The following TAF4B variants were observed in gnomAD, a reference collection of about 807,000 sequenced individuals.
The protein encoded by TAF4B is TATA-box binding protein associated factor 4b, also known as transcription initiation factor TFIID subunit 4B.
Under a neutral mutation model 86.4 loss-of-function variants are expected in TAF4B, and 38 were observed. That is an observed-to-expected ratio of 0.44 (90% CI 0.34 to 0.58). The LOEUF (loss-of-function observed/expected upper bound fraction) is 0.58. Ranked by LOEUF, TAF4B falls within the 20% of genes least tolerant of loss-of-function variation. The pLI, the probability that TAF4B is intolerant of heterozygous loss-of-function variation, is 0.02. For synonymous variants in TAF4B, 388 were observed against 391.2 expected, an observed-to-expected ratio of 0.99 and a Z score of 0.10; for missense variants, 988 against 1,027.6, an observed-to-expected ratio of 0.96 and a Z score of 0.53.
At chr18:26,238,000 G>T (rs1347502376) in intron 1 of TAF4B, among the ~76,000 whole-genome samples, 1 of 152,162 alleles carries the variant, frequency 6.6e-6, no homozygotes, top group Non-Finnish European at 1.5e-5. Context: ...CTGCTGTTCA[G>T]AATAGTTGTG....
At chr18:26,305,886 T>C (rs2056789895) in intron 9 of TAF4B, among the ~76,000 whole-genome samples, 1 of 152,174 alleles carries the variant, frequency 6.6e-6, no homozygotes, top group Admixed American at 6.5e-5. Context: ...TAGGTTAATT[T>C]GGGTGGTGGG....
intron 1 of TAF4B, among the ~76,000 whole-genome samples, chr18:26,245,605 C>G (rs1036547907): frequency 6.6e-6 from 1 of 152,106 alleles, no homozygotes; most frequent in Non-Finnish European, 1.5e-5. Flanking sequence ...CTGATTGGTG[C>G]ATTTTACAAA....
rs770983658 is a variant in TAF4B, at chr18:26,346,833, ATATGTGTG to A, written c.2317-10855_2317-10848del. 3.9e-3 allele frequency among the ~76,000 whole-genome samples: 70 copies of A among 17,736 alleles called. 2 individuals carry two copies. The East Asian group carries it at 0.1, about 26-fold the overall frequency. 11.6% of individuals were successfully genotyped at this position (17,736 alleles called of 152,430 possible). A position where few individuals can be genotyped will look rare whatever the true frequency, so the allele number is the denominator to read the frequency against. ...TATATATATGTGTGTGTATATATAT[ATATGTGTG>A]TGTGTATATATATATATGTGTATAT... is the stretch of plus-strand genomic sequence containing the variant. On this transcript the variant is annotated intron_variant, in intron 13 of 14. Transcript: ENST00000269142.
At chr18:26,345,522 C>A (rs2057169842) in intron 13 of TAF4B, among the ~76,000 whole-genome samples, 1 of 152,200 alleles carries the variant, frequency 6.6e-6, no homozygotes, top group Admixed American at 6.5e-5. Context: ...AGCCCACACC[C>A]AGCAAAACTG....
chr18:26,346,861 GTATATA>G lies in TAF4B; in HGVS notation c.2317-10821_2317-10816del, dbSNP rs1173384806. Among the ~76,000 whole-genome samples, 24 of 17,764 alleles carry G rather than the reference GTATATA, an allele frequency of 1.4e-3. 2 individuals are homozygous for G. The highest frequency in any genetic ancestry group is 2.5e-3 in the African/African-American group (22 of 8,852). 11.7% of individuals were successfully genotyped at this position (17,764 alleles called of 152,430 possible). A position where few individuals can be genotyped will look rare whatever the true frequency, so the allele number is the denominator to read the frequency against. On this transcript the variant is annotated intron_variant, in intron 13 of 14. Transcript: ENST00000269142. ...TGTGTGTGTGTATATATATATATGT[GTATATA>G]TATATATGTGTATATATATATATAT...
chr18:26,250,223 C>T (rs1259211782), intron 1 of TAF4B, among the ~76,000 whole-genome samples: 9 of 151,946 alleles, frequency 5.9e-5, no homozygotes, highest in South Asian at 4.2e-4. Flanking sequence ...TTGTGCTGGG[C>T]GCGGTGGCTC....
In TAF4B at chr18:26,390,027, C is replaced by T; in HGVS notation, c.*15C>T. 5 of 1,606,004 alleles carry T rather than the reference C, an allele frequency of 3.1e-6. No homozygotes were observed. Among genetic ancestry groups the T allele is most frequent in the Non-Finnish European group, 4.3e-6 (5 of 1,176,400 alleles). The stretch of plus-strand genomic sequence containing the variant: ...TTCTGAAGTGACCACTCCACTCTTC[C>T]ATCCAGATCCTTGCTATTTACTGCC... On this transcript the variant is annotated 3_prime_UTR_variant, in exon 15 of 15. Coordinates refer to ENST00000269142, the MANE Select transcript of TAF4B (RefSeq NM_005640.3).
At chr18:26,330,951 T>C (rs1160009251) in intron 12 of TAF4B, among the ~76,000 whole-genome samples, 1 of 152,206 alleles carries the variant, frequency 6.6e-6, no homozygotes, top group African/African-American at 2.4e-5. Flanking sequence ...GCCACCATGC[T>C]CACAGACCCA....
intron 11 of TAF4B, among the ~76,000 whole-genome samples, chr18:26,321,809 C>T (rs142885543): frequency 1.1e-4 from 16 of 152,160 alleles, no homozygotes; most frequent in Non-Finnish European, 2.4e-4. Context: ...TTATGTTCTA[C>T]ATTAGATCTT....
chr18:26,286,607 G>A, intron 7 of TAF4B, 108 bp downstream of exon 7: 4 of 1,236,036 alleles, frequency 3.2e-6, no homozygotes, highest in Non-Finnish European at 4.3e-6. Flanking sequence ...CTGTTTACGG[G>A]TTTGACCAAT....
At position 26,267,503 on chromosome 18, in the gene TAF4B, C is replaced by G. The variant is rs1330252780; in HGVS notation, c.490-13C>G. 1 of 1,598,114 alleles carries G rather than the reference C, an allele frequency of 6.3e-7. No homozygotes were observed. ...AATGACTTTGTGTTATCTTGCTCCCCTCCACCGCCAAGAACTCTAGCTCAC... is the reference window on the plus strand; with the variant it reads ...AATGACTTTGTGTTATCTTGCTCCCGTCCACCGCCAAGAACTCTAGCTCAC... On this transcript the variant is annotated splice_polypyrimidine_tract_variant and intron_variant, in intron 2 of 14. Coordinates refer to ENST00000269142, the MANE Select transcript of TAF4B (RefSeq NM_005640.3).
intron 1 of TAF4B, among the ~76,000 whole-genome samples, chr18:26,237,495 T>C (rs1186506740): frequency 1.3e-5 from 2 of 152,060 alleles, no homozygotes; most frequent in East Asian, 1.9e-4. Context: ...GGGGTTTTTT[T>C]TGTGGTCCCT....
intron 1 of TAF4B, among the ~76,000 whole-genome samples, chr18:26,260,069 G>A (rs891880066): frequency 1.2e-4 from 19 of 152,078 alleles, no homozygotes; most frequent in Non-Finnish European, 2.6e-4. Flanking sequence ...TCTTTTGGCT[G>A]CATAAATGTC....
intron 11 of TAF4B, among the ~76,000 whole-genome samples, 186 bp from the exon 12 acceptor site, chr18:26,326,829 A>T (rs369922630): frequency 4.6e-5 from 7 of 152,200 alleles, no homozygotes; most frequent in African/African-American, 1.4e-4. Flanking sequence ...GAATGATTAA[A>T]GTTTCTTTTC....
At chr18:26,308,904 T>C (rs866943127) in intron 9 of TAF4B, among the ~76,000 whole-genome samples, 148 of 126,428 alleles carry the variant, frequency 1.2e-3, no homozygotes, top group African/African-American at 3.9e-3. Flanking sequence ...AAAAAAGAAA[T>C]TGATAATTGA....
chr18:26,325,023 C>T (rs1334079122), intron 11 of TAF4B, among the ~76,000 whole-genome samples: 1 of 152,162 alleles, frequency 6.6e-6, no homozygotes, highest in African/African-American at 2.4e-5. Flanking sequence ...TGAAATCCCC[C>T]CATCTCTTTC....
intron 1 of TAF4B, among the ~76,000 whole-genome samples, chr18:26,234,899 G>T (rs1253069829): frequency 6.6e-6 from 1 of 152,198 alleles, no homozygotes; most frequent in African/African-American, 2.4e-5. Flanking sequence ...ATCATGAGTA[G>T]TCCAGACAGT....
In TAF4B at chr18:26,280,385, G is replaced by A. The variant is rs573659819; in HGVS notation, c.883-1586G>A. On this transcript the variant is annotated intron_variant, in intron 5 of 14. Coordinates refer to ENST00000269142, the MANE Select transcript of TAF4B (RefSeq NM_005640.3). ...CAACAGAGTAAACAGACCACCTACA[G>A]AATGGAAGAAAATATTTGCGAACTA... 3.0e-4 allele frequency among the ~76,000 whole-genome samples: 45 copies of A among 152,202 alleles called. No individual in the cohort carries two copies. The East Asian group carries it at 7.9e-3, about 27-fold the overall frequency.
At chr18:26,263,713 C>G (rs568320630) in intron 1 of TAF4B, among the ~76,000 whole-genome samples, 1 of 138,654 alleles carries the variant, frequency 7.2e-6, no homozygotes, top group South Asian at 2.2e-4. Flanking sequence ...TTCTCTCTTT[C>G]TCTCTCTCTC....
Sources: allele counts gnomAD v4.1 joint callset (sites outside exome capture counted in the v4.1 genomes callset), GRCh38; gene constraint gnomAD v4.1.1; transcripts MANE v1.5; gene names NCBI Gene and HGNC (gene_info 2026-07-23, HGNC 2026-07-21).